The following GPD2 variants were observed in gnomAD, a reference collection of about 807,000 sequenced individuals.
GPD2 encodes glycerol-3-phosphate dehydrogenase, mitochondrial.
GPD2 carries 54 observed loss-of-function variants against 82.4 expected under a neutral mutation model. The ratio of observed to expected loss-of-function variants is 0.66; its 90% confidence interval spans 0.53 to 0.82. The LOEUF (loss-of-function observed/expected upper bound fraction) is 0.82. Among genes scored for constraint, GPD2 ranks in the 40% least tolerant of loss-of-function variants. GPD2 has a pLI of 0.00. For missense variants in GPD2, 748 were observed against 896.2 expected, an observed-to-expected ratio of 0.83 and a Z score of 2.11; for synonymous variants, 288 against 306.1, an observed-to-expected ratio of 0.94 and a Z score of 0.62.
intron 1 of GPD2, among the ~76,000 whole-genome samples, chr2:156,471,736 C>T (rs1683337244): frequency 6.6e-6 from 1 of 152,164 alleles, no homozygotes; most frequent in South Asian, 2.1e-4. Context: ...TGATATAGCA[C>T]CTTGCTTTTT....
intron 1 of GPD2, among the ~76,000 whole-genome samples, chr2:156,465,072 A>T (rs1282298477): frequency 6.6e-6 from 1 of 152,166 alleles, no homozygotes; most frequent in Non-Finnish European, 1.5e-5. Context: ...GCTGGTCTCG[A>T]ACTCCTGACC....
chr2:156,422,348 T>C, the GPD2 span, among the ~76,000 whole-genome samples: 1 of 152,180 alleles, frequency 6.6e-6, no homozygotes, highest in Admixed American at 6.5e-5. Context: ...CAAAGTAATG[T>C]TATCTATAAT....
chr2:156,553,208 T>A (rs1219915297), intron 8 of GPD2, among the ~76,000 whole-genome samples: 1 of 152,072 alleles, frequency 6.6e-6, no homozygotes, highest in Non-Finnish European at 1.5e-5. Context: ...TGATAATACC[T>A]AACTGGTATA....
chr2:156,409,957 G>A, the GPD2 span, among the ~76,000 whole-genome samples: 1 of 152,028 alleles, frequency 6.6e-6, no homozygotes, highest in Non-Finnish European at 1.5e-5. Flanking sequence ...TGAGGCAGAG[G>A]ATCCCTTGAA....
intron 1 of GPD2, among the ~76,000 whole-genome samples, chr2:156,462,408 C>A (rs1386967212): frequency 6.6e-6 from 1 of 151,870 alleles, no homozygotes; most frequent in Non-Finnish European, 1.5e-5. Flanking sequence ...GCCTCAGCCT[C>A]CCAAGTAGCT....
At chr2:156,484,425 A>G (rs1683859492) in intron 2 of GPD2, among the ~76,000 whole-genome samples, 1 of 152,112 alleles carries the variant, frequency 6.6e-6, no homozygotes, top group Non-Finnish European at 1.5e-5. Context: ...GCGTGAGCCC[A>G]GTCCCAATCT....
At chr2:156,540,328 T>C (rs1686256911) in intron 6 of GPD2, among the ~76,000 whole-genome samples, 3 of 152,206 alleles carry the variant, frequency 2.0e-5, no homozygotes, top group African/African-American at 7.2e-5. Flanking sequence ...TCACTACCTC[T>C]AGATCGAAGA....
the GPD2 span, among the ~76,000 whole-genome samples, chr2:156,414,408 G>T: frequency 6.6e-6 from 1 of 152,170 alleles, no homozygotes; most frequent in Non-Finnish European, 1.5e-5. Flanking sequence ...TAAGGGGAGA[G>T]AATCAATGTG....
At chr2:156,400,505 C>G in the GPD2 span, among the ~76,000 whole-genome samples, 105 of 152,364 alleles carry the variant, frequency 6.9e-4, no homozygotes, top group African/African-American at 2.4e-3. Context: ...CACCGGATCC[C>G]TCCAGGATCC....
chr2:156,442,035 A>G (rs1310182053), intron 1 of GPD2, among the ~76,000 whole-genome samples: 1 of 152,162 alleles, frequency 6.6e-6, no homozygotes, highest in East Asian at 1.9e-4. Context: ...CTTTAGAACA[A>G]TGATTGTTTG....
chr2:156,458,080 CGAG>C (rs1240920382), intron 1 of GPD2, among the ~76,000 whole-genome samples: 5 of 152,084 alleles, frequency 3.3e-5, no homozygotes, highest in Non-Finnish European at 5.9e-5. Flanking sequence ...TTGAATATGC[CGAG>C]GACAGCAGCC....
At chr2:156,421,199 C>G in the GPD2 span, among the ~76,000 whole-genome samples, 1 of 152,162 alleles carries the variant, frequency 6.6e-6, no homozygotes, top group Non-Finnish European at 1.5e-5. Flanking sequence ...ATGGTGTAGT[C>G]TGAGGACTAC....
rs993684711 is a variant in GPD2 at position 156,585,612 on chromosome 2, T to C, written c.*2694T>C. The C allele has an allele frequency of 7.2e-4, 110 of 152,466 alleles. No individual in the cohort carries two copies. The highest frequency in any genetic ancestry group is 2.6e-3 in the African/African-American group (107 of 41,432). The allele number at this position is 152,466 out of a possible 1,614,324, so 9.4% of individuals were successfully genotyped here. A position where few individuals can be genotyped will look rare whatever the true frequency, so the allele number is the denominator to read the frequency against. ...GCTATTAAATGCATGCTCTCTATCC[T>C]GCTTCAGTTTCTGGCTTTGCTTTGT... On this transcript the variant is annotated 3_prime_UTR_variant, in exon 17 of 17. Transcript: ENST00000438166.
chr2:156,498,813 T>C (rs1684482088), intron 3 of GPD2, among the ~76,000 whole-genome samples: 1 of 152,142 alleles, frequency 6.6e-6, no homozygotes, highest in African/African-American at 2.4e-5. Context: ...GTTTCACGGA[T>C]TTTTTTCCTT....
intron 1 of GPD2, among the ~76,000 whole-genome samples, chr2:156,451,139 C>T (rs1375558019): frequency 3.3e-5 from 5 of 151,476 alleles, no homozygotes; most frequent in East Asian, 3.9e-4. Context: ...TCCACAAAAC[C>T]GCCATTGTCA....
At chr2:156,492,795 A>T (rs776720760) in intron 2 of GPD2, among the ~76,000 whole-genome samples, 8 of 152,156 alleles carry the variant, frequency 5.3e-5, no homozygotes, top group Non-Finnish European at 7.4e-5. Context: ...GACTTAAGAG[A>T]CGGGGAGCTC....
At chr2:156,452,497 A>T (rs547416430) in intron 1 of GPD2, among the ~76,000 whole-genome samples, 2 of 152,256 alleles carry the variant, frequency 1.3e-5, no homozygotes, top group Non-Finnish European at 2.9e-5. Context: ...GCAGCAGTAC[A>T]GTCCAGCTTC....
At chr2:156,476,012 A>G in intron 1 of GPD2, 86 bp from the exon 2 acceptor site, 2 of 776,732 alleles carry the variant, frequency 2.6e-6, no homozygotes, top group Admixed American at 1.8e-5. Flanking sequence ...ACATGGTTTC[A>G]TAATCTACAC....
chr2:156,475,918 A>AT (rs2105201536), intron 1 of GPD2, among the ~76,000 whole-genome samples, 180 bp from the exon 2 acceptor site: 1 of 152,184 alleles, frequency 6.6e-6, no homozygotes, highest in Non-Finnish European at 1.5e-5. Context: ...CTTGTCTAGA[A>AT]TTTTTTGGCT....
Sources: gnomAD v4.1 joint callset for allele counts (sites outside exome capture counted in the v4.1 genomes callset) on GRCh38, gnomAD v4.1.1 for gene constraint, MANE v1.5 for transcripts, NCBI Gene and HGNC (gene_info 2026-07-23, HGNC 2026-07-21) for gene names.